Variants in DYSF observed in about 807,000 individuals in gnomAD.
DYSF encodes dysferlin.
Under a neutral mutation model 274.9 loss-of-function variants are expected in DYSF, and 212 were observed. That is an observed-to-expected ratio of 0.77 (90% CI 0.69 to 0.86). The LOEUF (loss-of-function observed/expected upper bound fraction) is 0.86. Ranked by LOEUF, DYSF falls within the 40% of genes least tolerant of loss-of-function variation. The pLI, the probability that DYSF is intolerant of heterozygous loss-of-function variation, is 0.00. For missense variants in DYSF, 2,666 were observed against 2,783.2 expected (o/e 0.96, Z 0.95); for synonymous variants, 1,091 against 1,078.7 (o/e 1.01, Z -0.22).
chr2:71,495,181 A>T (rs1158069691), intron 3 of DYSF, among the ~76,000 whole-genome samples: 1 of 152,188 alleles, frequency 6.6e-6, no homozygotes. Context: ...TGGGTTGTCC[A>T]TTTTATTCTC....
chr2:71,615,519 C>T lies in DYSF; in HGVS notation c.4464+2109C>T, dbSNP rs2093861691. 6.6e-6 allele frequency among the ~76,000 whole-genome samples: 1 copy of T among 152,156 alleles called. No individual in the cohort carries two copies. The highest frequency in any genetic ancestry group is 2.4e-5 in the African/African-American group (1 of 41,450). The stretch of plus-strand genomic sequence containing the variant: ...AGACCAGTTCTGTTCTGCAGGGAGC[C>T]CTGGCCCTCTGGGGAAGCCCCTTTT... On this transcript the variant is annotated intron_variant, in intron 40 of 55. Transcript: ENST00000410020. This position sits in a 1 kb window ranked among gnomAD's most constrained non-coding sequence, Gnocchi z 4.9.
chr2:71,513,775 T>C lies in DYSF; in HGVS notation c.613T>C (p.Phe205Leu), dbSNP rs756767119. ...ACTCACTGGAGATGAGGCGGAGCCA[T>C]TCCTGGATCAAAGCGGAGGCCCGGG... ...QGLTGDEAEP[F>L]LDQSGGPGAP... Residue 205 changes from phenylalanine to leucine, a missense_variant, in exon 7 of 56, where the codon TTC becomes CTC. Coordinates refer to ENST00000410020, the MANE Select transcript of DYSF (RefSeq NM_001130987.2). The C allele has an allele frequency of 6.2e-7, 1 of 1,614,152 alleles. No individual in the cohort carries two copies. Among genetic ancestry groups the C allele is most frequent in the South Asian group, 1.1e-5 (1 of 91,084 alleles).
rs1558749549 is a variant in DYSF, at chr2:71,658,861, C to A, written c.4756-17C>A. 3 of 1,614,066 alleles carry A rather than the reference C, an allele frequency of 1.9e-6. No homozygotes were observed. Among genetic ancestry groups the A allele is most frequent in the Admixed American group, 1.7e-5 (1 of 60,016 alleles). Reference sequence around the variant, plus strand: ...CAATGATGATAAAAATGAAAATTAACCCTTCCTTCTTTTCAGGGCCTCTTC... The same window carrying A: ...CAATGATGATAAAAATGAAAATTAAACCTTCCTTCTTTTCAGGGCCTCTTC... On this transcript the variant is annotated splice_polypyrimidine_tract_variant and intron_variant, in intron 43 of 55. Transcript: ENST00000410020.
chr2:71,620,696 A>T (rs1263775406), intron 41 of DYSF, 87 bp downstream of exon 41: 8 of 1,336,822 alleles, frequency 6.0e-6, no homozygotes, highest in Non-Finnish European at 8.4e-6. Context: ...GGGAGGGGAG[A>T]GTGGGAGGGA....
chr2:71,475,618 G>A (rs376877932), intron 1 of DYSF, among the ~76,000 whole-genome samples: 14 of 152,092 alleles, frequency 9.2e-5, no homozygotes, highest in African/African-American at 3.4e-4. Context: ...GGGCACAGAG[G>A]GGAGGGCAGG....
chr2:71,634,600 T>G (rs1203715886), intron 41 of DYSF, among the ~76,000 whole-genome samples: 1 of 152,220 alleles, frequency 6.6e-6, no homozygotes, highest in Non-Finnish European at 1.5e-5. Flanking sequence ...AATATAACTT[T>G]ATTTTTCTGT....
intron 30 of DYSF, among the ~76,000 whole-genome samples, chr2:71,577,901 C>G (rs900706851): frequency 2.0e-5 from 3 of 152,136 alleles, no homozygotes; most frequent in African/African-American, 7.2e-5. Context: ...TCTTTGCCCA[C>G]GGGTCCCTGA....
chr2:71,653,660 TGGGGTGG>T (rs1162100099), intron 42 of DYSF, among the ~76,000 whole-genome samples: 1 of 81,982 alleles, frequency 1.2e-5, no homozygotes, highest in Non-Finnish European at 2.2e-5. Context: ...GGGCCTGTTG[TGGGGTGG>T]GGGGAGGGGG....
intron 17 of DYSF, among the ~76,000 whole-genome samples, chr2:71,547,707 G>T (rs567880742): frequency 2.0e-5 from 3 of 152,198 alleles, no homozygotes; most frequent in African/African-American, 4.8e-5. Flanking sequence ...TGCGAGGCAG[G>T]CTGCTTCGCA....
chr2:71,683,080 C>T (rs1457377665), intron 55 of DYSF, among the ~76,000 whole-genome samples: 1 of 152,156 alleles, frequency 6.6e-6, no homozygotes, highest in Non-Finnish European at 1.5e-5. Flanking sequence ...AGAGAAGGTC[C>T]CTTTGTCTTA....
chr2:71,606,925 C>T (rs1280871461), intron 36 of DYSF, among the ~76,000 whole-genome samples: 1 of 152,150 alleles, frequency 6.6e-6, no homozygotes, highest in Non-Finnish European at 1.5e-5. Context: ...TTTATCCTCC[C>T]ATCCACCCAC....
chr2:71,573,234 TC>T (rs1348735879), intron 29 of DYSF, among the ~76,000 whole-genome samples: 2 of 152,194 alleles, frequency 1.3e-5, no homozygotes, highest in Admixed American at 1.3e-4. Flanking sequence ...AACCAGCTGT[TC>T]CTGGTGCTGT....
At chr2:71,457,652 A>G (rs1242121851) in intron 1 of DYSF, among the ~76,000 whole-genome samples, 1 of 152,094 alleles carries the variant, frequency 6.6e-6, no homozygotes, top group African/African-American at 2.4e-5. Flanking sequence ...ATGCTTTCTT[A>G]TCTCAGGGGG....
At chr2:71,453,877 C>T (rs1410655533) in exon 1 of DYSF, 1 of 976,394 alleles carries the variant, frequency 1.0e-6, no homozygotes, top group East Asian at 2.6e-5. Flanking sequence ...GCCAGAGATT[C>T]GAGCCGGCCT....
intron 9 of DYSF, 27 bp downstream of exon 9, chr2:71,516,269 C>T: frequency 6.2e-7 from 1 of 1,610,668 alleles, no homozygotes. Flanking sequence ...AAAGTGTTCT[C>T]CGTGGGCTGT....
intron 16 of DYSF, 22 bp downstream of exon 16, chr2:71,535,333 C>G (rs1362022589): frequency 3.5e-5 from 56 of 1,613,480 alleles, no homozygotes; most frequent in Non-Finnish European, 4.7e-5. Context: ...GTCTTGGAGT[C>G]TTTAGGGCGG....
chr2:71,538,789 G>A (rs1483109374), intron 16 of DYSF, among the ~76,000 whole-genome samples: 2 of 152,118 alleles, frequency 1.3e-5, no homozygotes, highest in African/African-American at 2.4e-5. Flanking sequence ...TCCTGGGTCC[G>A]GGAACCTGGC....
chr2:71,603,666 C>T (rs2093594620), intron 36 of DYSF, among the ~76,000 whole-genome samples: 1 of 152,142 alleles, frequency 6.6e-6, no homozygotes, highest in African/African-American at 2.4e-5. Flanking sequence ...CAAGTGAGCT[C>T]GCTGTAATTG....
At chr2:71,622,949 A>T (rs185479640) in intron 41 of DYSF, among the ~76,000 whole-genome samples, 1 of 152,314 alleles carries the variant, frequency 6.6e-6, no homozygotes, top group African/African-American at 2.4e-5. Flanking sequence ...AAAATTAGTC[A>T]TGGAAGTTTA....
Sources: gnomAD v4.1 joint callset for allele counts (sites outside exome capture counted in the v4.1 genomes callset) on GRCh38, gnomAD v4.1.1 for gene constraint, Gnocchi (gnomAD v3.1) non-coding constraint, MANE v1.5 for transcripts, NCBI Gene and HGNC (gene_info 2026-07-23, HGNC 2026-07-21) for gene names.